RPS6KA5: variants seen among roughly 807,000 people sequenced by gnomAD.
RPS6KA5 encodes the protein ribosomal protein S6 kinase A5.
RPS6KA5 carries 27 observed loss-of-function variants against 85.5 expected under a neutral mutation model. That is an observed-to-expected ratio of 0.32 (90% CI 0.23 to 0.44). The LOEUF is 0.44. Ranked by LOEUF, RPS6KA5 falls within the 20% of genes least tolerant of loss-of-function variation. The probability of loss-of-function intolerance (pLI) is 1.00; values close to 1 mark genes in which losing one functional copy is unlikely to be tolerated. For synonymous variants in RPS6KA5, 334 were observed against 348.2 expected (o/e 0.96, Z 0.46); for missense variants, 811 against 980.9 (o/e 0.83, Z 2.31).
intron 7 of RPS6KA5, among the ~76,000 whole-genome samples, chr14:90,915,718 A>G (rs1263817962): frequency 1.3e-5 from 2 of 152,050 alleles, no homozygotes; most frequent in Non-Finnish European, 2.9e-5. Flanking sequence ...AGGCAGGAAA[A>G]TCACTTTAAC....
intron 7 of RPS6KA5, among the ~76,000 whole-genome samples, chr14:90,912,451 C>A (rs2035875560): frequency 6.6e-6 from 1 of 152,208 alleles, no homozygotes; most frequent in Non-Finnish European, 1.5e-5. Context: ...TCCAACCTCA[C>A]AGTAGCATTG....
At chr14:91,034,934 AAC>A (rs1292147652) in intron 1 of RPS6KA5, among the ~76,000 whole-genome samples, 1 of 152,144 alleles carries the variant, frequency 6.6e-6, no homozygotes, top group Non-Finnish European at 1.5e-5. Flanking sequence ...AGAAAAAAAA[AAC>A]AGTTTGCTGG....
intron 3 of RPS6KA5, among the ~76,000 whole-genome samples, chr14:90,960,598 A>G (rs2038748009): frequency 6.6e-6 from 1 of 152,174 alleles, no homozygotes; most frequent in African/African-American, 2.4e-5. Flanking sequence ...CATATAAAAT[A>G]CATATTAAAT....
In RPS6KA5 at chr14:90,854,082, A is replaced by G. The variant is rs2032152609; in HGVS notation, c.*17992T>C. On this transcript the variant is annotated 3_prime_UTR_variant, in exon 17 of 17. Coordinates refer to ENST00000614987, the MANE Select transcript of RPS6KA5 (RefSeq NM_004755.4). ...TATGTAATTTTCACAAGACCAAACT[A>G]TTAAAGTACCTAGAAAATAGAATAT... 1 of 152,238 alleles carries G rather than the reference A, an allele frequency of 6.6e-6. No homozygotes were observed. The highest frequency in any genetic ancestry group is 2.1e-4 in the South Asian group (1 of 4,834). The allele number at this position is 152,238 out of a possible 1,614,324, so 9.4% of individuals were successfully genotyped here. A position where few individuals can be genotyped will look rare whatever the true frequency, so the allele number is the denominator to read the frequency against.
Position 90,899,420 on chromosome 14 carries a change from A to G in RPS6KA5, c.1382T>C (p.Met461Thr). The G allele has an allele frequency of 6.2e-7, 1 of 1,609,260 alleles. No individual in the cohort carries two copies. The highest frequency in any genetic ancestry group is 1.1e-5 in the South Asian group (1 of 90,900). Reference sequence around the variant, plus strand: ...TATTTCCTTTTGAGTATTGGCTTCCATCCTGCAAGATGAGACACTTAGCAT... The same window carrying G: ...TATTTCCTTTTGAGTATTGGCTTCCGTCCTGCAAGATGAGACACTTAGCAT... ...AFAVKIISKR[M>T]EANTQKEITA... Residue 461 changes from methionine (M) to threonine (T), a missense_variant and splice_region_variant, in exon 12 of 17, where the codon ATG becomes ACG. Physicochemically the swap from Met to Thr is moderately conservative, Grantham distance 81. Coordinates refer to ENST00000614987, the MANE Select transcript of RPS6KA5 (RefSeq NM_004755.4).
intron 1 of RPS6KA5, among the ~76,000 whole-genome samples, chr14:91,028,836 T>A (rs1052629218): frequency 6.6e-6 from 1 of 152,146 alleles, no homozygotes. Flanking sequence ...ATAAAGAGAA[T>A]CACTAATATA....
chr14:90,979,071 CATACA>C (rs2039687639), intron 2 of RPS6KA5, among the ~76,000 whole-genome samples: 2 of 152,212 alleles, frequency 1.3e-5, no homozygotes, highest in East Asian at 1.9e-4. Context: ...TCCTAAACTG[CATACA>C]ATACGACAGA....
At chr14:91,000,340 A>G (rs2040731250) in intron 2 of RPS6KA5, among the ~76,000 whole-genome samples, 1 of 152,094 alleles carries the variant, frequency 6.6e-6, no homozygotes, top group Non-Finnish European at 1.5e-5. Flanking sequence ...CCAAAGCCCT[A>G]TTGTTGGGTT....
chr14:90,949,620 A>G (rs905438385), intron 3 of RPS6KA5, among the ~76,000 whole-genome samples: 1 of 151,982 alleles, frequency 6.6e-6, no homozygotes, highest in African/African-American at 2.4e-5. Context: ...AATCTAATGT[A>G]CTCCTGTTTC....
chr14:90,885,794 A>T (rs2034184527), intron 14 of RPS6KA5, among the ~76,000 whole-genome samples: 1 of 147,868 alleles, frequency 6.8e-6, no homozygotes, highest in African/African-American at 2.5e-5. Flanking sequence ...AAAAGAAACC[A>T]ATCTTTATAA....
intron 3 of RPS6KA5, among the ~76,000 whole-genome samples, chr14:90,971,906 T>C (rs1196539625): frequency 2.0e-5 from 3 of 152,138 alleles, no homozygotes; most frequent in African/African-American, 7.2e-5. Context: ...GGGCAAGACA[T>C]GAGCAATGTG....
intron 4 of RPS6KA5, among the ~76,000 whole-genome samples, chr14:90,944,934 AT>A (rs34492881): frequency 0.77 from 112,482 of 146,448 alleles, 42,788 homozygotes; most frequent in East Asian, 0.96. Context: ...CAATGTCTCT[AT>A]TTTTTTTTTT....
chr14:91,026,179 T>TTA (rs1394055994), intron 1 of RPS6KA5, among the ~76,000 whole-genome samples: 1 of 152,204 alleles, frequency 6.6e-6, no homozygotes, highest in East Asian at 1.9e-4. Context: ...CATGATTTTG[T>TTA]TATTTTTTAT....
chr14:90,946,984 T>C (rs2037904824), intron 4 of RPS6KA5, among the ~76,000 whole-genome samples: 1 of 151,954 alleles, frequency 6.6e-6, no homozygotes, highest in Non-Finnish European at 1.5e-5. Context: ...ACAAAACAAA[T>C]GGAAAAGAAA....
chr14:90,902,675 C>T, intron 9 of RPS6KA5, 133 bp downstream of exon 9: 2 of 704,812 alleles, frequency 2.8e-6, no homozygotes, highest in Non-Finnish European at 4.3e-6. Context: ...AATATTTCTG[C>T]ATTTAATAAT....
intron 14 of RPS6KA5, among the ~76,000 whole-genome samples, chr14:90,879,761 T>A (rs1046838043): frequency 6.6e-6 from 1 of 150,738 alleles, no homozygotes; most frequent in South Asian, 2.1e-4. Flanking sequence ...CAGAATAGAA[T>A]ATCTTTCTCT....
chr14:91,059,710 A>G (rs2043543120), intron 1 of RPS6KA5, among the ~76,000 whole-genome samples: 2 of 152,352 alleles, frequency 1.3e-5, no homozygotes, highest in South Asian at 2.1e-4. Flanking sequence ...GGACCTCTGA[A>G]GGAAATTCAA....
rs955055681 is a variant in RPS6KA5 at position 90,857,447 on chromosome 14, C to T, written c.*14627G>A. 4 of 152,214 alleles carry T rather than the reference C, an allele frequency of 2.6e-5. No homozygotes were observed. Among genetic ancestry groups the T allele is most frequent in the South Asian group, 2.1e-4 (1 of 4,826 alleles). The allele number at this position is 152,214 out of a possible 1,614,324, so 9.4% of individuals were successfully genotyped here. On this transcript the variant is annotated 3_prime_UTR_variant, in exon 17 of 17. Transcript: ENST00000614987. ...GATGATTCTTCATCAGATTTCATGT[C>T]GATATTCATAAAGAGACATAATTTC...
At chr14:91,048,869 T>C (rs1181649331) in intron 1 of RPS6KA5, among the ~76,000 whole-genome samples, 1 of 152,222 alleles carries the variant, frequency 6.6e-6, no homozygotes, top group Admixed American at 6.5e-5. Context: ...ATGTTAGATT[T>C]TCCCTAGAGC....
Sources: gnomAD v4.1 joint callset for allele counts (sites outside exome capture counted in the v4.1 genomes callset) on GRCh38, gnomAD v4.1.1 for gene constraint, MANE v1.5 for transcripts, NCBI Gene and HGNC (gene_info 2026-07-23, HGNC 2026-07-21) for gene names.